Variants in ADAMTS19 observed in about 807,000 individuals in gnomAD.
ADAMTS19 encodes the protein ADAM metallopeptidase with thrombospondin type 1 motif 19, also known as A disintegrin and metalloproteinase with thrombospondin motifs 19.
ADAMTS19 carries 93 observed loss-of-function variants against 153.3 expected under a neutral mutation model. The ratio of observed to expected loss-of-function variants is 0.61; its 90% CI spans 0.51 to 0.72. ADAMTS19 has a LOEUF of 0.72. Ranked by LOEUF, ADAMTS19 falls within the 30% of genes least tolerant of loss-of-function variation. ADAMTS19 has a pLI of 0.00. For synonymous variants in ADAMTS19, 600 were observed against 556.6 expected, an observed-to-expected ratio of 1.08 and a Z score of -1.10; for missense variants, 1,482 against 1,552.1, an observed-to-expected ratio of 0.95 and a Z score of 0.76.
At chr5:129,514,543 T>A (rs540204970) in intron 3 of ADAMTS19, among the ~76,000 whole-genome samples, 34 of 152,294 alleles carry the variant, frequency 2.2e-4, no homozygotes, top group South Asian at 4.1e-4. Flanking sequence ...TGACCAATGA[T>A]GTTGAGCACC....
chr5:129,713,877 C>T lies in ADAMTS19; in HGVS notation c.3312+9486C>T, dbSNP rs150120422. ...TGACTGGATGGCACTCCAGCATCTACACAACCAGGGTTTCAGATTGGTGTT... is the reference window on the plus strand; with the variant it reads ...TGACTGGATGGCACTCCAGCATCTATACAACCAGGGTTTCAGATTGGTGTT... On this transcript the variant is annotated intron_variant, in intron 21 of 22. Coordinates refer to ENST00000274487, the MANE Select transcript of ADAMTS19 (RefSeq NM_133638.6). Among the ~76,000 whole-genome samples, 46 of 152,186 alleles carry T rather than the reference C, an allele frequency of 3.0e-4. No homozygotes were observed. The East Asian group carries it at 8.2e-3, about 27-fold the overall frequency.
chr5:129,522,340 T>C (rs1259839142), intron 3 of ADAMTS19, among the ~76,000 whole-genome samples: 47 of 116,538 alleles, frequency 4.0e-4, no homozygotes, highest in African/African-American at 1.5e-3. Flanking sequence ...CACATATATA[T>C]ATATATATAT....
chr5:129,666,079 G>A (rs1474852985), intron 16 of ADAMTS19, among the ~76,000 whole-genome samples: 3 of 151,322 alleles, frequency 2.0e-5, no homozygotes, highest in Admixed American at 2.0e-4. Flanking sequence ...ATGGAAAAGG[G>A]TTCTCTCTCT....
chr5:129,712,316 T>C (rs1756520334), intron 21 of ADAMTS19, among the ~76,000 whole-genome samples: 1 of 152,174 alleles, frequency 6.6e-6, no homozygotes, highest in Non-Finnish European at 1.5e-5. Flanking sequence ...CGTTTGGACA[T>C]TGAAAAAACC....
chr5:129,488,364 T>C (rs941604300), intron 2 of ADAMTS19, among the ~76,000 whole-genome samples: 2 of 152,106 alleles, frequency 1.3e-5, no homozygotes, highest in Non-Finnish European at 2.9e-5. Context: ...TTTTCTTGAC[T>C]AAACTTTACA....
chr5:129,659,798 A>G (rs1753746010), intron 15 of ADAMTS19, among the ~76,000 whole-genome samples: 1 of 151,988 alleles, frequency 6.6e-6, no homozygotes, highest in South Asian at 2.1e-4. Context: ...TATGTTCCAT[A>G]GACTGGTCTC....
chr5:129,700,484 A>G (rs1054410665), intron 19 of ADAMTS19, among the ~76,000 whole-genome samples: 5 of 152,136 alleles, frequency 3.3e-5, no homozygotes, highest in African/African-American at 1.2e-4. Context: ...GAGGTCAATC[A>G]CAGTCTTCTG....
Position 129,731,204 on chromosome 5 carries a change from G to A in ADAMTS19, c.3313-3728G>A, listed in dbSNP as rs574028169. ...GAACTCCTGGCCTCAAGTGACTGCC[G>A]GCCTCAGCCTCCCAAAGTGCTGGAA... On this transcript the variant is annotated intron_variant, in intron 21 of 22. Transcript: ENST00000274487. Among the ~76,000 whole-genome samples, 11 of 151,898 alleles carry A rather than the reference G, an allele frequency of 7.2e-5. 1 individual carries two copies. In the East Asian group the frequency reaches 1.6e-3, roughly 22 times the overall value.
rs538827430 is a variant in ADAMTS19, at chr5:129,528,594, C to G, written c.1245C>G (p.Gly415=). The G allele has an allele frequency of 4.4e-6, 7 of 1,605,718 alleles. No individual in the cohort carries two copies. Among genetic ancestry groups the G allele is most frequent in the Non-Finnish European group, 6.0e-6 (7 of 1,176,446 alleles). The part of the protein sequence containing the change: ...SFCKWQHEEF[G]KKNDIHLEMS... ...GTAAGTGGCAACATGAAGAATTTGG[C>G]AAAAAGAATGATATACATTTAGAGA... The change falls in exon 6 of 23, where the codon GGC becomes GGG. Residue 415 remains glycine, a synonymous_variant. Coordinates refer to ENST00000274487, the MANE Select transcript of ADAMTS19 (RefSeq NM_133638.6).
chr5:129,655,759 C>T (rs1274284333), intron 14 of ADAMTS19, among the ~76,000 whole-genome samples: 1 of 152,144 alleles, frequency 6.6e-6, no homozygotes, highest in Admixed American at 6.6e-5. Flanking sequence ...GGGAACAACA[C>T]GAAACTTAAA....
At chr5:129,578,353 C>A (rs1322328452) in intron 7 of ADAMTS19, among the ~76,000 whole-genome samples, 1 of 71,650 alleles carries the variant, frequency 1.4e-5, no homozygotes, top group Non-Finnish European at 2.7e-5. Context: ...CGTACATATA[C>A]CTATATGCAT....
At chr5:129,678,039 G>T (rs897565683) in intron 16 of ADAMTS19, among the ~76,000 whole-genome samples, 1 of 152,096 alleles carries the variant, frequency 6.6e-6, no homozygotes, top group African/African-American at 2.4e-5. Context: ...TCTTGAACTT[G>T]TAAACTCAAG....
chr5:129,527,503 C>G (rs556988331), intron 4 of ADAMTS19, among the ~76,000 whole-genome samples: 8 of 150,590 alleles, frequency 5.3e-5, no homozygotes, highest in Non-Finnish European at 1.0e-4. Context: ...AGAAATATCT[C>G]TGAAAGCATG....
intron 7 of ADAMTS19, among the ~76,000 whole-genome samples, chr5:129,561,487 C>T (rs906038328): frequency 2.0e-5 from 3 of 151,612 alleles, no homozygotes; most frequent in Non-Finnish European, 4.4e-5. Context: ...CGAGATTGCG[C>T]CACTGCAGTC....
intron 20 of ADAMTS19, among the ~76,000 whole-genome samples, chr5:129,702,487 TG>T (rs1755920982): frequency 6.6e-6 from 1 of 152,120 alleles, no homozygotes; most frequent in Admixed American, 6.5e-5. Context: ...TTTTTGAAAA[TG>T]AGGATAACAT....
At chr5:129,548,726 C>T (rs1358305328) in intron 6 of ADAMTS19, among the ~76,000 whole-genome samples, 8 of 151,782 alleles carry the variant, frequency 5.3e-5, no homozygotes, top group East Asian at 1.9e-4. Flanking sequence ...CACATGCACA[C>T]GTATGTTCAT....
chr5:129,575,215 G>GA (rs1221417436), intron 7 of ADAMTS19, among the ~76,000 whole-genome samples: 1 of 152,010 alleles, frequency 6.6e-6, no homozygotes, highest in Non-Finnish European at 1.5e-5. Context: ...CAACTGTTTG[G>GA]AAGTTTGAGT....
chr5:129,655,813 A>C (rs1273943506), intron 14 of ADAMTS19, among the ~76,000 whole-genome samples: 1 of 152,380 alleles, frequency 6.6e-6, no homozygotes, highest in Admixed American at 6.5e-5. Flanking sequence ...AGTAGGCTAT[A>C]AAGTTTAAAG....
intron 8 of ADAMTS19, among the ~76,000 whole-genome samples, chr5:129,600,654 A>G (rs151256388): frequency 5.9e-5 from 9 of 152,230 alleles, no homozygotes; most frequent in African/African-American, 2.2e-4. Context: ...AGAACCAACA[A>G]TTTTTCCTTA....
Sources: allele counts gnomAD v4.1 joint callset (sites outside exome capture counted in the v4.1 genomes callset), GRCh38; gene constraint gnomAD v4.1.1; transcripts MANE v1.5; gene names NCBI Gene and HGNC (gene_info 2026-07-23, HGNC 2026-07-21).